The following AQP7B variants were observed in gnomAD, a reference collection of about 807,000 sequenced individuals.
The protein encoded by AQP7B is aquaporin 7B.
the AQP7B span, chr2:94,603,812 T>G: frequency 6.6e-7 from 1 of 1,510,046 alleles, no homozygotes; most frequent in Non-Finnish European, 9.2e-7. Context: ...ATAAGCATCC[T>G]CGTGGTCATC....
At chr2:94,593,917 C>CTTAATA in the AQP7B span, among the ~76,000 whole-genome samples, 1 of 152,132 alleles carries the variant, frequency 6.6e-6, no homozygotes, top group African/African-American at 2.4e-5. Context: ...TAACCATGCA[C>CTTAATA]TTAACTAAAT....
chr2:94,590,828 C>T, the AQP7B span, among the ~76,000 whole-genome samples: 2 of 150,290 alleles, frequency 1.3e-5, no homozygotes, highest in African/African-American at 4.9e-5. Context: ...CCTGTAGTCC[C>T]AACTACTTGG....
the AQP7B span, among the ~76,000 whole-genome samples, chr2:94,590,944 C>CAAAAAAAAAAAAAAAA: frequency 4.1e-5 from 2 of 49,074 alleles, no homozygotes; most frequent in Non-Finnish European, 7.4e-5. Flanking sequence ...GACCCTGTCT[C>CAAAAAAAAAAAAAAAA]AAAAAAAAAA....
chr2:94,597,921 A>T, the AQP7B span, among the ~76,000 whole-genome samples: 1 of 152,014 alleles, frequency 6.6e-6, no homozygotes, highest in Non-Finnish European at 1.5e-5. Context: ...CACAGTCTTG[A>T]CCCTTAACCT....
the AQP7B span, chr2:94,603,337 G>A: frequency 6.4e-7 from 1 of 1,560,146 alleles, no homozygotes; most frequent in East Asian, 2.2e-5. Context: ...GACCCCAGTG[G>A]GGCTTAGTTG....
the AQP7B span, among the ~76,000 whole-genome samples, chr2:94,597,895 G>C: frequency 2.0e-5 from 3 of 152,184 alleles, no homozygotes; most frequent in Middle Eastern, 3.4e-3. Context: ...ATGAGTCACC[G>C]TGCCCAGCCC....
At chr2:94,589,167 G>GTTT in the AQP7B span, among the ~76,000 whole-genome samples, 2 of 136,546 alleles carry the variant, frequency 1.5e-5, no homozygotes, top group African/African-American at 5.4e-5. Context: ...ATTAGTTGTT[G>GTTT]TTTTTTTTTT....
chr2:94,587,838 G>C, the AQP7B span, among the ~76,000 whole-genome samples: 1 of 152,094 alleles, frequency 6.6e-6, no homozygotes, highest in Non-Finnish European at 1.5e-5. Flanking sequence ...CCTCCTGAGG[G>C]GCTGGAGCTG....
the AQP7B span, chr2:94,603,537 C>G: frequency 1.3e-6 from 2 of 1,580,298 alleles, no homozygotes; most frequent in Non-Finnish European, 1.7e-6. Context: ...TCCCCCTGCC[C>G]TCCACCCCTC....
At chr2:94,594,608 G>C in the AQP7B span, 1 of 629,614 alleles carries the variant, frequency 1.6e-6, no homozygotes, top group Non-Finnish European at 2.9e-6. Context: ...AGCTGTCCCA[G>C]CTGCCCCGGG....
At chr2:94,588,380 G>T in the AQP7B span, 2 of 621,122 alleles carry the variant, frequency 3.2e-6, no homozygotes, top group Non-Finnish European at 5.7e-6. Context: ...CTGGGCTAAG[G>T]GAGTGGCACT....
chr2:94,601,902 G>A, the AQP7B span, among the ~76,000 whole-genome samples: 3 of 152,072 alleles, frequency 2.0e-5, no homozygotes, highest in South Asian at 2.1e-4. Context: ...ATTATCTGAG[G>A]AGCCGTGAGG....
chr2:94,590,801 G>A, the AQP7B span, among the ~76,000 whole-genome samples: 4 of 151,526 alleles, frequency 2.6e-5, no homozygotes, highest in East Asian at 2.0e-4. Flanking sequence ...AAAAATAGCC[G>A]GTCATGGTGG....
chr2:94,590,113 T>C, the AQP7B span, among the ~76,000 whole-genome samples: 1 of 152,256 alleles, frequency 6.6e-6, no homozygotes, highest in South Asian at 2.1e-4. Context: ...TTAAACAGAG[T>C]GACCCAAGAG....
At chr2:94,589,212 T>C in the AQP7B span, among the ~76,000 whole-genome samples, 5 of 151,658 alleles carry the variant, frequency 3.3e-5, no homozygotes, top group African/African-American at 1.2e-4. Flanking sequence ...TTTCGCCATG[T>C]TCGCCAGGCT....
the AQP7B span, among the ~76,000 whole-genome samples, chr2:94,599,626 T>G: frequency 6.6e-6 from 1 of 152,116 alleles, no homozygotes; most frequent in Non-Finnish European, 1.5e-5. Flanking sequence ...CCCCTCCACT[T>G]CTGCACCAAT....
At chr2:94,590,701 G>T in the AQP7B span, among the ~76,000 whole-genome samples, 1 of 152,098 alleles carries the variant, frequency 6.6e-6, no homozygotes, top group African/African-American at 2.4e-5. Flanking sequence ...CCTGCACCTT[G>T]GGAGGCTGAG....
the AQP7B span, among the ~76,000 whole-genome samples, chr2:94,594,398 C>G: frequency 6.6e-6 from 1 of 152,232 alleles, no homozygotes; most frequent in African/African-American, 2.4e-5. Flanking sequence ...ACTTTCCAGC[C>G]TGCTCTCTCC....
chr2:94,590,317 G>A, the AQP7B span, among the ~76,000 whole-genome samples: 2 of 152,084 alleles, frequency 1.3e-5, no homozygotes, highest in Non-Finnish European at 2.9e-5. Context: ...ACCCCAGCTG[G>A]GATTACAGGC....
Sources: allele counts gnomAD v4.1 joint callset (sites outside exome capture counted in the v4.1 genomes callset), GRCh38; gene constraint gnomAD v4.1.1; transcripts MANE v1.5; gene names NCBI Gene and HGNC (gene_info 2026-07-23, HGNC 2026-07-21).